Variants in ASZ1 observed in about 807,000 individuals in gnomAD.
ASZ1 encodes the protein ankyrin repeat, SAM and basic leucine zipper domain containing 1.
In ASZ1, 67 loss-of-function variants were observed where a neutral mutation model predicts 61.8. The observed-to-expected ratio is 1.08, with a 90% CI of 0.89 to 1.33. The LOEUF (loss-of-function observed/expected upper bound fraction) is 1.33, where lower values mean the gene tolerates loss of function less well. ASZ1 is among the 40% of genes most tolerant of loss of function. The pLI, the probability that ASZ1 is intolerant of heterozygous loss-of-function variation, is 0.00. For synonymous variants in ASZ1, 193 were observed against 192.7 expected (o/e 1.00, Z -0.01); for missense variants, 577 against 554.5 (o/e 1.04, Z -0.41).
intron 4 of ASZ1, among the ~76,000 whole-genome samples, chr7:117,404,133 A>AT (rs922322359): frequency 2.0e-5 from 3 of 152,056 alleles, no homozygotes; most frequent in African/African-American, 7.2e-5. Flanking sequence ...TATAGTTTTT[A>AT]TATGAGGCCT....
chr7:117,372,585 A>G (rs897499313), intron 10 of ASZ1, among the ~76,000 whole-genome samples: 1 of 152,216 alleles, frequency 6.6e-6, no homozygotes, highest in African/African-American at 2.4e-5. Context: ...AAGCGAACTA[A>G]AACAACAGGC....
intron 10 of ASZ1, among the ~76,000 whole-genome samples, chr7:117,370,849 T>TGTGTGTGTGTGA (rs1491399393): frequency 1.4e-5 from 2 of 147,474 alleles, no homozygotes; most frequent in African/African-American, 2.5e-5. Flanking sequence ...TGTGTGTGTG[T>TGTGTGTGTGTGA]GACAGAGTCT....
In ASZ1 at chr7:117,383,018, T is replaced by G. The variant is rs1446632695; in HGVS notation, c.780A>C (p.Thr260=). The G allele has an allele frequency of 4.4e-6, 7 of 1,589,384 alleles. No homozygotes were observed. The African/African-American group carries it at 9.5e-5, about 22-fold the overall frequency. Residue 260 remains threonine, a synonymous_variant, in exon 7 of 13, where the codon ACA becomes ACC. Transcript: ENST00000284629. ...TGTGATCTTTTTCTCTATCAGAATCTGTTGTCAATATTTTACAAATAGTGT... is the reference window on the plus strand; with the variant it reads ...TGTGATCTTTTTCTCTATCAGAATCGGTTGTCAATATTTTACAAATAGTGT... ...KEDTICKILT[T]DSDREKDHIF... is the part of the protein sequence containing the mutation.
intron 10 of ASZ1, among the ~76,000 whole-genome samples, chr7:117,374,529 C>T (rs1796103891): frequency 1.3e-5 from 2 of 151,914 alleles, no homozygotes; most frequent in Non-Finnish European, 2.9e-5. Flanking sequence ...TCTCTACTAA[C>T]ATGTAAGGTA....
chr7:117,368,748 A>T lies in ASZ1; in HGVS notation c.1056-31T>A, dbSNP rs773826471. 3.6e-5 allele frequency: 58 copies of T among 1,606,310 alleles called. 1 individual carries two copies. The highest frequency in any genetic ancestry group is 4.7e-5 in the Non-Finnish European group (55 of 1,178,052). On this transcript the variant is annotated intron_variant, in intron 10 of 12. Coordinates refer to ENST00000284629, the MANE Select transcript of ASZ1 (RefSeq NM_130768.3). ...GAAAGGAAACAAACAAACAAGCAGG[A>T]ATTACTAATAAGAGCAATTTATTTC...
chr7:117,423,779 G>A (rs530984079), intron 2 of ASZ1, among the ~76,000 whole-genome samples: 33 of 150,198 alleles, frequency 2.2e-4, no homozygotes, highest in African/African-American at 4.6e-4. Context: ...GGAGAATTGC[G>A]TGAACACACG....
At chr7:117,401,153 A>G (rs1796672945) in intron 4 of ASZ1, among the ~76,000 whole-genome samples, 1 of 152,210 alleles carries the variant, frequency 6.6e-6, no homozygotes, top group South Asian at 2.1e-4. Flanking sequence ...ACCCAGTGTG[A>G]ATATGGAGAA....
intron 2 of ASZ1, among the ~76,000 whole-genome samples, chr7:117,423,188 T>A (rs1323497871): frequency 6.6e-6 from 1 of 152,108 alleles, no homozygotes; most frequent in Non-Finnish European, 1.5e-5. Flanking sequence ...AAGGGAGATA[T>A]CAGGTATTGA....
At chr7:117,389,283 T>C (rs1199525299) in intron 4 of ASZ1, among the ~76,000 whole-genome samples, 1 of 151,952 alleles carries the variant, frequency 6.6e-6, no homozygotes, top group Non-Finnish European at 1.5e-5. Flanking sequence ...ACCCAAGTAG[T>C]GAATATAGTA....
chr7:117,401,374 C>G (rs1297723986), intron 4 of ASZ1, among the ~76,000 whole-genome samples: 1 of 127,838 alleles, frequency 7.8e-6, no homozygotes, highest in Non-Finnish European at 1.6e-5. Flanking sequence ...GATATCATAG[C>G]AAAGCTGTTT....
intron 4 of ASZ1, among the ~76,000 whole-genome samples, chr7:117,418,943 A>G (rs1489685354): frequency 1.3e-5 from 2 of 152,164 alleles, no homozygotes; most frequent in East Asian, 3.9e-4. Flanking sequence ...CATGGGTGAC[A>G]GAGCAAGACC....
At chr7:117,394,219 C>A (rs1796534045) in intron 4 of ASZ1, among the ~76,000 whole-genome samples, 1 of 152,134 alleles carries the variant, frequency 6.6e-6, no homozygotes, top group South Asian at 2.1e-4. Flanking sequence ...ATCCTTCCAC[C>A]TCAGCCTCCC....
At chr7:117,385,972 T>TA (rs1488011718) in intron 4 of ASZ1, among the ~76,000 whole-genome samples, 163 bp from the exon 5 acceptor site, 3 of 152,188 alleles carry the variant, frequency 2.0e-5, no homozygotes, top group African/African-American at 7.2e-5. Flanking sequence ...TTCCTGCAAG[T>TA]AAGTACAAGT....
chr7:117,394,897 A>G, intron 4 of ASZ1, among the ~76,000 whole-genome samples: 1 of 151,920 alleles, frequency 6.6e-6, no homozygotes, highest in East Asian at 1.9e-4. Context: ...TTTCATTTCT[A>G]TTGTTATTTT....
chr7:117,366,763 A>G (rs1457369962), intron 12 of ASZ1, among the ~76,000 whole-genome samples: 1 of 152,150 alleles, frequency 6.6e-6, no homozygotes, highest in Non-Finnish European at 1.5e-5. Context: ...TTACAGGGGT[A>G]TTTCATCCAC....
intron 4 of ASZ1, among the ~76,000 whole-genome samples, chr7:117,386,769 A>G (rs1257583954): frequency 1.3e-5 from 2 of 152,184 alleles, no homozygotes; most frequent in African/African-American, 2.4e-5. Context: ...ATAAGGTTAT[A>G]CCCTGAAATC....
chr7:117,394,504 T>C (rs1183321338), intron 4 of ASZ1, among the ~76,000 whole-genome samples: 1 of 152,212 alleles, frequency 6.6e-6, no homozygotes, highest in Non-Finnish European at 1.5e-5. Context: ...CTACATATTT[T>C]AATTAAAAAT....
chr7:117,403,970 G>T (rs1339441873), intron 4 of ASZ1, among the ~76,000 whole-genome samples: 1 of 152,112 alleles, frequency 6.6e-6, no homozygotes, highest in Non-Finnish European at 1.5e-5. Context: ...AGAATCTAAC[G>T]CCTGACGATC....
At chr7:117,382,638 A>G (rs1291184591) in intron 7 of ASZ1, among the ~76,000 whole-genome samples, 1 of 152,192 alleles carries the variant, frequency 6.6e-6, no homozygotes, top group Non-Finnish European at 1.5e-5. Context: ...GGGGAAAAGT[A>G]TATGTTTAAT....
Sources: gnomAD v4.1 joint callset for allele counts (sites outside exome capture counted in the v4.1 genomes callset) on GRCh38, gnomAD v4.1.1 for gene constraint, MANE v1.5 for transcripts, NCBI Gene and HGNC (gene_info 2026-07-23, HGNC 2026-07-21) for gene names.